VWA8: variants seen among roughly 807,000 people sequenced by gnomAD.
VWA8 encodes von Willebrand factor A domain containing 8.
VWA8 carries 221 observed loss-of-function variants against 241.5 expected under a neutral mutation model. The observed-to-expected ratio is 0.91, with a 90% CI of 0.82 to 1.02. The LOEUF is 1.02. Among genes scored for constraint, VWA8 ranks in the 50% least tolerant of loss-of-function variants. The pLI is 0.00. For synonymous variants in VWA8, 852 were observed against 827.1 expected (o/e 1.03, Z -0.52); for missense variants, 2,322 against 2,328.7 (o/e 1.00, Z 0.06).
intron 36 of VWA8, 113 bp downstream of exon 36, chr13:41,675,102 A>AT (rs1290338866): frequency 6.5e-6 from 4 of 616,426 alleles, no homozygotes; most frequent in South Asian, 2.5e-5. Flanking sequence ...TGGAAAAAAA[A>AT]AGAGCTTGCT....
chr13:41,622,499 T>C (rs1239498364), intron 37 of VWA8, among the ~76,000 whole-genome samples: 1 of 152,174 alleles, frequency 6.6e-6, no homozygotes, highest in African/African-American at 2.4e-5. Context: ...GGATCAAAAA[T>C]TTCCCCAAAA....
Position 41,920,465 on chromosome 13 carries a change from A to G in VWA8, c.242-8297T>C, listed in dbSNP as rs1308754978. On this transcript the variant is annotated intron_variant, in intron 2 of 44. Transcript: ENST00000379310. ...GCAGAACTGAAGAAGATAGAGACAC[A>G]AAAAAAACCTTCAAAAAAATCAATG... is the stretch of plus-strand genomic sequence containing the variant. Among the ~76,000 whole-genome samples the G allele has an allele frequency of 2.0e-5, 3 of 152,136 alleles. No individual in the cohort carries two copies. The East Asian group carries it at 5.8e-4, about 29-fold the overall frequency.
intron 2 of VWA8, among the ~76,000 whole-genome samples, chr13:41,917,710 T>C (rs1018654852): frequency 6.6e-6 from 1 of 152,178 alleles, no homozygotes; most frequent in Non-Finnish European, 1.5e-5. Flanking sequence ...TACACTCAAA[T>C]TACCTGCTGG....
At chr13:41,738,125 G>A (rs1251732501) in intron 21 of VWA8, among the ~76,000 whole-genome samples, 6 of 152,140 alleles carry the variant, frequency 3.9e-5, no homozygotes, top group Non-Finnish European at 5.9e-5. Context: ...ACAGTGTTTT[G>A]AATATTTTGA....
At chr13:41,608,106 G>A (rs1424168683) in intron 39 of VWA8, among the ~76,000 whole-genome samples, 2 of 152,122 alleles carry the variant, frequency 1.3e-5, no homozygotes, top group African/African-American at 4.8e-5. Context: ...CATTTGGTAA[G>A]CCACCTCGAG....
At chr13:41,730,028 A>G (rs1179973733) in intron 22 of VWA8, among the ~76,000 whole-genome samples, 1 of 152,182 alleles carries the variant, frequency 6.6e-6, no homozygotes, top group Non-Finnish European at 1.5e-5. Context: ...ACAAATAGAG[A>G]AAGTGCCATG....
intron 37 of VWA8, among the ~76,000 whole-genome samples, chr13:41,630,111 A>G (rs2044716760): frequency 6.6e-6 from 1 of 152,190 alleles, no homozygotes; most frequent in Non-Finnish European, 1.5e-5. Flanking sequence ...AGGCAGAGGT[A>G]GTGGGTTGGG....
chr13:41,644,540 C>T (rs12857307), intron 37 of VWA8, among the ~76,000 whole-genome samples: 4,216 of 152,292 alleles, frequency 0.028, 61 homozygotes, highest in South Asian at 0.052. Context: ...TCCCACATCC[C>T]AAAGCTGTGC....
chr13:41,776,207 CCT>C (rs1408694008), intron 20 of VWA8, among the ~76,000 whole-genome samples: 3 of 152,176 alleles, frequency 2.0e-5, no homozygotes, highest in Non-Finnish European at 2.9e-5. Flanking sequence ...ATGCCAAAAG[CCT>C]CTGTGTCTCT....
At chr13:41,819,078 T>C in intron 15 of VWA8, 140 bp downstream of exon 15, 1 of 811,048 alleles carries the variant, frequency 1.2e-6, no homozygotes. Flanking sequence ...TCCACTGACC[T>C]TCACCACTGT....
rs747347146 is a variant in VWA8, at chr13:41,671,065, C to T, written c.4492G>A (p.Gly1498Ser). ...CCTCCCATATCAACAGTAACAACAC[C>T]GCTTTTGTCCCACTCAGCCAGCAGT... ...DALLAEWDKS[G>S]VVTVDMGGHI... is the part of the protein sequence containing the mutation. Residue 1498 changes from glycine (G) to serine (S), a missense_variant, in exon 37 of 45, where the codon GGT (glycine) becomes AGT (serine). Coordinates refer to ENST00000379310, the MANE Select transcript of VWA8 (RefSeq NM_015058.2). 21 of 1,613,960 alleles carry T rather than the reference C, an allele frequency of 1.3e-5. No homozygotes were observed. Among genetic ancestry groups the T allele is most frequent in the Admixed American group, 3.3e-5 (2 of 60,004 alleles).
intron 18 of VWA8, among the ~76,000 whole-genome samples, chr13:41,787,074 C>A (rs1566457277): frequency 6.7e-6 from 1 of 149,602 alleles, no homozygotes; most frequent in African/African-American, 2.5e-5. Context: ...TGTAAACATG[C>A]AAAGAAAACA....
At chr13:41,936,358 T>C (rs1247907847) in intron 2 of VWA8, among the ~76,000 whole-genome samples, 3 of 152,228 alleles carry the variant, frequency 2.0e-5, no homozygotes, top group Non-Finnish European at 4.4e-5. Flanking sequence ...GTTTAAATCC[T>C]TCATTTATTT....
intron 12 of VWA8, among the ~76,000 whole-genome samples, chr13:41,840,094 G>T (rs912659732): frequency 4.5e-4 from 68 of 152,132 alleles, no homozygotes; most frequent in Non-Finnish European, 1.6e-4. Context: ...CACATCCTTT[G>T]TAAGTTGTAT....
intron 1 of VWA8, among the ~76,000 whole-genome samples, chr13:41,952,745 A>AT (rs930593809): frequency 6.0e-4 from 90 of 150,622 alleles, no homozygotes; most frequent in African/African-American, 1.9e-3. Context: ...TTGGCTGTCC[A>AT]TTTTTTTTTT....
chr13:41,847,828 A>G (rs1285527215), intron 12 of VWA8, among the ~76,000 whole-genome samples: 3 of 152,208 alleles, frequency 2.0e-5, no homozygotes, highest in Non-Finnish European at 4.4e-5. Context: ...TACATTCTTA[A>G]GAGATCACTC....
intron 37 of VWA8, among the ~76,000 whole-genome samples, chr13:41,640,540 T>C (rs147711451): frequency 4.4e-4 from 67 of 152,346 alleles, no homozygotes; most frequent in African/African-American, 1.6e-3. Flanking sequence ...AGAGTGTTGG[T>C]AGATTAGCTG....
At position 41,918,110 on chromosome 13, in the gene VWA8, A is replaced by G. The variant is rs79039844; in HGVS notation, c.242-5942T>C. ...AAAAAATTAATTTATTCACACAGCT[A>G]TATTTATTAAGGACCTACTATATGC... On this transcript the variant is annotated intron_variant, in intron 2 of 44. Coordinates refer to ENST00000379310, the MANE Select transcript of VWA8 (RefSeq NM_015058.2). 6.9e-3 allele frequency among the ~76,000 whole-genome samples: 1,045 copies of G among 152,352 alleles called. 11 individuals carry two copies. The highest frequency in any genetic ancestry group is 0.022 in the African/African-American group (924 of 41,582).
chr13:41,606,122 T>C (rs1471217658), intron 39 of VWA8, among the ~76,000 whole-genome samples: 1 of 152,116 alleles, frequency 6.6e-6, no homozygotes, highest in African/African-American at 2.4e-5. Context: ...GGGTCTTTCT[T>C]CTGTGCTCTT....
Sources: allele counts gnomAD v4.1 joint callset (sites outside exome capture counted in the v4.1 genomes callset), GRCh38; gene constraint gnomAD v4.1.1; transcripts MANE v1.5; gene names NCBI Gene and HGNC (gene_info 2026-07-23, HGNC 2026-07-21).